PHACTR4: variants seen among roughly 807,000 people sequenced by gnomAD.
The protein encoded by PHACTR4 is protein phosphatase 1, regulatory subunit 124.
A neutral mutation model predicts 72.7 loss-of-function variants in PHACTR4; 51 were observed. The observed-to-expected ratio is 0.70, with a 90% CI of 0.56 to 0.89. PHACTR4 has a LOEUF of 0.89. PHACTR4 is among the 40% of genes least tolerant of loss of function. The probability of loss-of-function intolerance (pLI) is 0.00; values close to 1 mark genes in which losing one functional copy is unlikely to be tolerated. For missense variants in PHACTR4, 731 were observed against 861.8 expected (o/e 0.85, Z 1.90); for synonymous variants, 255 against 302.5 (o/e 0.84, Z 1.63).
At chr1:28,421,973 T>G (rs1655538011) in intron 2 of PHACTR4, among the ~76,000 whole-genome samples, 1 of 152,250 alleles carries the variant, frequency 6.6e-6, no homozygotes, top group South Asian at 2.1e-4. Context: ...CTGAATGACT[T>G]ATTAATTCAT....
chr1:28,441,640 A>T (rs1404756368), intron 2 of PHACTR4, among the ~76,000 whole-genome samples: 5 of 152,198 alleles, frequency 3.3e-5, no homozygotes, highest in Non-Finnish European at 5.9e-5. Flanking sequence ...TCATCAGTTC[A>T]TTGAAAAAAA....
At chr1:28,426,489 C>G (rs1056716103) in intron 2 of PHACTR4, among the ~76,000 whole-genome samples, 11 of 151,906 alleles carry the variant, frequency 7.2e-5, no homozygotes, top group Non-Finnish European at 1.6e-4. Flanking sequence ...AACCCCATCT[C>G]TACTAAAAAT....
chr1:28,419,431 T>A (rs1332460501), intron 2 of PHACTR4, among the ~76,000 whole-genome samples: 3 of 152,092 alleles, frequency 2.0e-5, no homozygotes, highest in African/African-American at 7.2e-5. Context: ...TGTAAATATA[T>A]ATGTGTATAT....
intron 2 of PHACTR4, among the ~76,000 whole-genome samples, chr1:28,458,523 A>G (rs1658571153): frequency 6.6e-6 from 1 of 151,994 alleles, no homozygotes; most frequent in Non-Finnish European, 1.5e-5. Flanking sequence ...ATTTCCCTCC[A>G]ATTTAATGTA....
At chr1:28,389,547 G>A (rs55993906) in intron 1 of PHACTR4, among the ~76,000 whole-genome samples, 120 of 149,428 alleles carry the variant, frequency 8.0e-4, no homozygotes, top group Non-Finnish European at 1.4e-3. Context: ...ACGCAATCTC[G>A]GCTCACTGCA....
intron 2 of PHACTR4, among the ~76,000 whole-genome samples, chr1:28,426,167 G>A (rs1328115221): frequency 6.6e-6 from 1 of 151,420 alleles, no homozygotes; most frequent in Non-Finnish European, 1.5e-5. Context: ...GTTGCGGTGA[G>A]CTGAGATCAC....
chr1:28,487,088 G>A (rs890185464), intron 9 of PHACTR4, among the ~76,000 whole-genome samples: 15 of 151,762 alleles, frequency 9.9e-5, no homozygotes, highest in African/African-American at 2.7e-4. Flanking sequence ...AAAATGGGGC[G>A]GGGCACAGTG....
chr1:28,395,015 G>A (rs914586816), intron 1 of PHACTR4, among the ~76,000 whole-genome samples: 1 of 151,370 alleles, frequency 6.6e-6, no homozygotes, highest in Non-Finnish European at 1.5e-5. Flanking sequence ...CCGGGTTCAA[G>A]CGATTCTCCT....
chr1:28,446,854 C>T (rs1373820597), intron 2 of PHACTR4, among the ~76,000 whole-genome samples: 1 of 152,054 alleles, frequency 6.6e-6, no homozygotes, highest in African/African-American at 2.4e-5. Flanking sequence ...CGTGTCTACT[C>T]CCCCTTCATC....
At chr1:28,388,902 A>T (rs1329196609) in intron 1 of PHACTR4, among the ~76,000 whole-genome samples, 1 of 152,108 alleles carries the variant, frequency 6.6e-6, no homozygotes, top group African/African-American at 2.4e-5. Context: ...AAGACCTGAA[A>T]CTGTAAAACT....
intron 2 of PHACTR4, among the ~76,000 whole-genome samples, chr1:28,411,528 CAT>C (rs1654789229): frequency 6.6e-6 from 1 of 152,086 alleles, no homozygotes. Flanking sequence ...CATATACACA[CAT>C]ATACATATGA....
intron 2 of PHACTR4, among the ~76,000 whole-genome samples, chr1:28,441,210 T>TC (rs1172368334): frequency 9.2e-5 from 14 of 151,702 alleles, no homozygotes. Context: ...GCATACTTCT[T>TC]TTTTTTTAAT....
At chr1:28,382,432 T>C (rs1326690576) in intron 1 of PHACTR4, among the ~76,000 whole-genome samples, 1 of 151,400 alleles carries the variant, frequency 6.6e-6, no homozygotes, top group Non-Finnish European at 1.5e-5. Flanking sequence ...GCCTCCCGAG[T>C]AGCTGGGACT....
chr1:28,457,413 T>C (rs1658468886), intron 2 of PHACTR4: 2 of 370,092 alleles, frequency 5.4e-6, no homozygotes, highest in Non-Finnish European at 1.1e-5. Flanking sequence ...CTGAGCAATT[T>C]GGTGAGACCC....
intron 2 of PHACTR4, among the ~76,000 whole-genome samples, chr1:28,431,192 C>CA (rs1557809140): frequency 5.9e-5 from 8 of 134,944 alleles, no homozygotes; most frequent in African/African-American, 2.2e-4. Flanking sequence ...AAAAAAAAAA[C>CA]CAAAATATAT....
intron 1 of PHACTR4, among the ~76,000 whole-genome samples, chr1:28,375,420 T>C (rs957870245): frequency 9.9e-5 from 15 of 151,728 alleles, no homozygotes; most frequent in African/African-American, 3.6e-4. Context: ...CTCATGCCTG[T>C]AATCCCAGTG....
In PHACTR4 at chr1:28,465,191, G is replaced by A. The variant is rs547298397; in HGVS notation, c.272-494G>A. On this transcript the variant is annotated intron_variant, in intron 4 of 13. Coordinates refer to ENST00000373839, the MANE Select transcript of PHACTR4 (RefSeq NM_001048183.3). ...AAATCACCAACCCTGGGCCGGGCAC[G>A]GTGGCTCACGCCTGTAATCCCAGCA... 3.9e-5 allele frequency among the ~76,000 whole-genome samples: 6 copies of A among 152,198 alleles called. No homozygotes were observed. The South Asian group carries it at 8.3e-4, about 21-fold the overall frequency.
intron 12 of PHACTR4, among the ~76,000 whole-genome samples, chr1:28,492,081 A>G (rs2124557311): frequency 6.6e-6 from 1 of 152,298 alleles, no homozygotes; most frequent in Non-Finnish European, 1.5e-5. Flanking sequence ...GTTTGGTTAG[A>G]GGGAGTTTGG....
At chr1:28,423,185 TC>T (rs1382361544) in intron 2 of PHACTR4, among the ~76,000 whole-genome samples, 1 of 152,058 alleles carries the variant, frequency 6.6e-6, no homozygotes, top group African/African-American at 2.4e-5. Context: ...GGCGGGAGGA[TC>T]CCTTGAGCCC....
Sources: gnomAD v4.1 joint callset for allele counts (sites outside exome capture counted in the v4.1 genomes callset) on GRCh38, gnomAD v4.1.1 for gene constraint, MANE v1.5 for transcripts, NCBI Gene and HGNC (gene_info 2026-07-23, HGNC 2026-07-21) for gene names.